Variants in MCCC2 observed in about 807,000 individuals in gnomAD.
The protein encoded by MCCC2 is methylcrotonoyl-CoA carboxylase beta chain, mitochondrial.
In MCCC2, 52 loss-of-function variants were observed where a neutral mutation model predicts 77.2. The observed-to-expected ratio is 0.67, with a 90% CI of 0.54 to 0.85. MCCC2 has a LOEUF of 0.85. Ranked by LOEUF, MCCC2 falls within the 40% of genes least tolerant of loss-of-function variation. The pLI is 0.00. For synonymous variants in MCCC2, 253 were observed against 248.4 expected, an observed-to-expected ratio of 1.02 and a Z score of -0.18; for missense variants, 682 against 703.2, an observed-to-expected ratio of 0.97 and a Z score of 0.34.
intron 2 of MCCC2, among the ~76,000 whole-genome samples, chr5:71,594,962 G>A (rs1009572736): frequency 4.9e-5 from 6 of 123,122 alleles, no homozygotes; most frequent in Non-Finnish European, 1.1e-4. Flanking sequence ...GTAGTGGCGC[G>A]ATCTCAGTTC....
intron 2 of MCCC2, among the ~76,000 whole-genome samples, chr5:71,594,666 G>T (rs892453422): frequency 1.3e-5 from 2 of 151,946 alleles, no homozygotes; most frequent in African/African-American, 4.8e-5. Flanking sequence ...GGACTGAGCC[G>T]GACTCCCTGG....
intron 6 of MCCC2, among the ~76,000 whole-genome samples, chr5:71,624,015 A>G: frequency 6.6e-6 from 1 of 152,228 alleles, no homozygotes; most frequent in East Asian, 1.9e-4. Flanking sequence ...CTTAAAAAAC[A>G]GACATTTATT....
chr5:71,649,930 T>C (rs931890463), intron 14 of MCCC2, 139 bp from the exon 15 acceptor site: 48 of 716,514 alleles, frequency 6.7e-5, no homozygotes, highest in Middle Eastern at 3.7e-4. Flanking sequence ...CAGGCATTTG[T>C]ATATTTGTGA....
chr5:71,618,318 C>T (rs965465151), intron 6 of MCCC2, among the ~76,000 whole-genome samples: 2 of 152,178 alleles, frequency 1.3e-5, no homozygotes, highest in African/African-American at 4.8e-5. Context: ...GTTTGGCCTT[C>T]GTTTGCTCTC....
intron 2 of MCCC2, among the ~76,000 whole-genome samples, chr5:71,595,023 C>G (rs879342460): frequency 6.6e-6 from 1 of 151,896 alleles, no homozygotes; most frequent in Non-Finnish European, 1.5e-5. Flanking sequence ...CTCAGCCTCC[C>G]GAATAGCTGG....
At chr5:71,610,534 C>T (rs1319007052) in intron 6 of MCCC2, among the ~76,000 whole-genome samples, 3 of 152,190 alleles carry the variant, frequency 2.0e-5, no homozygotes, top group Admixed American at 2.0e-4. Flanking sequence ...TCTTCTGCGT[C>T]GCTCACGCTG....
Position 71,643,905 on chromosome 5 carries a change from G to A in MCCC2, c.1149+10G>A. ...TGAATCTGCAAAAAAGGCAAGTACT[G>A]TTAAAAATATTTCAAGATTTTCTGT... On this transcript the variant is annotated intron_variant, in intron 12 of 16. Coordinates refer to ENST00000340941, the MANE Select transcript of MCCC2 (RefSeq NM_022132.5). The A allele has an allele frequency of 6.2e-7, 1 of 1,613,834 alleles. No individual in the cohort carries two copies. Among genetic ancestry groups the A allele is most frequent in the Non-Finnish European group, 8.5e-7 (1 of 1,179,854 alleles).
intron 13 of MCCC2, among the ~76,000 whole-genome samples, chr5:71,648,060 G>T (rs1157635869): frequency 6.6e-6 from 1 of 152,152 alleles, no homozygotes; most frequent in Non-Finnish European, 1.5e-5. Context: ...TTTTCTGAGG[G>T]TCCAGCTGAG....
At chr5:71,646,365 A>G in intron 13 of MCCC2, 88 bp downstream of exon 13, 1 of 1,190,296 alleles carries the variant, frequency 8.4e-7, no homozygotes, top group Non-Finnish European at 1.2e-6. Flanking sequence ...ACACATGTAG[A>G]CCACTTCATC....
At chr5:71,644,554 T>C (rs1165572713) in intron 12 of MCCC2, among the ~76,000 whole-genome samples, 1 of 152,152 alleles carries the variant, frequency 6.6e-6, no homozygotes, top group Non-Finnish European at 1.5e-5. Flanking sequence ...TTTGATTTCA[T>C]ATATCATCTC....
At chr5:71,629,578 G>T (rs1746643882) in intron 7 of MCCC2, among the ~76,000 whole-genome samples, 1 of 152,114 alleles carries the variant, frequency 6.6e-6, no homozygotes. Flanking sequence ...TCATTAGAAA[G>T]AATATGTTAA....
At chr5:71,630,686 ACTCT>A in intron 7 of MCCC2, among the ~76,000 whole-genome samples, 1 of 152,020 alleles carries the variant, frequency 6.6e-6, no homozygotes. Context: ...ATTTTAACTA[ACTCT>A]CTCTGCAGAA....
At chr5:71,623,531 AAAGAGGGCCAGCAAGAGC>A (rs1354104522) in intron 6 of MCCC2, among the ~76,000 whole-genome samples, 4 of 152,200 alleles carry the variant, frequency 2.6e-5, no homozygotes, top group African/African-American at 4.8e-5. Flanking sequence ...ACAAGAAAAG[AAAGAGGGCCAGCAAGAGC>A]AAGAGGGCCA....
chr5:71,610,148 C>T (rs769567507), intron 6 of MCCC2, among the ~76,000 whole-genome samples: 5 of 152,324 alleles, frequency 3.3e-5, no homozygotes, highest in South Asian at 2.1e-4. Context: ...TGGGCAATGG[C>T]GAGCGCCCCT....
chr5:71,615,079 G>A (rs1746118958), intron 6 of MCCC2, among the ~76,000 whole-genome samples: 1 of 152,046 alleles, frequency 6.6e-6, no homozygotes, highest in African/African-American at 2.4e-5. Flanking sequence ...CAATTCTCCT[G>A]CCTCAGCCTC....
intron 6 of MCCC2, among the ~76,000 whole-genome samples, chr5:71,604,769 C>T (rs943887104): frequency 6.9e-6 from 1 of 144,524 alleles, no homozygotes; most frequent in Admixed American, 7.1e-5. Flanking sequence ...GTGTGATATT[C>T]CCCTTCCTGT....
chr5:71,619,233 G>C (rs1466704219), intron 6 of MCCC2, among the ~76,000 whole-genome samples: 1 of 151,892 alleles, frequency 6.6e-6, no homozygotes, highest in Non-Finnish European at 1.5e-5. Context: ...GCTTAGTTAG[G>C]ATAGGTACTG....
chr5:71,612,289 TTTTA>T (rs1745983974), intron 6 of MCCC2, among the ~76,000 whole-genome samples: 1 of 152,212 alleles, frequency 6.6e-6, no homozygotes, highest in African/African-American at 2.4e-5. Flanking sequence ...TTTGTCATAT[TTTTA>T]TTAATATTCT....
chr5:71,643,723 T>C lies in MCCC2; in HGVS notation c.1073-96T>C, dbSNP rs776761125. ...AATCTCTTTGCATTTTAAACTTGGA[T>C]CTGATATTAAAGAATGTGTAAATAT... is the stretch of plus-strand genomic sequence containing the variant. On this transcript the variant is annotated intron_variant, in intron 11 of 16. Transcript: ENST00000340941. The C allele has an allele frequency of 4.3e-6, 7 of 1,610,222 alleles. No homozygotes were observed. The Admixed American group carries it at 1.2e-4, about 27-fold the overall frequency.
Sources: allele counts gnomAD v4.1 joint callset (sites outside exome capture counted in the v4.1 genomes callset), GRCh38; gene constraint gnomAD v4.1.1; transcripts MANE v1.5; gene names NCBI Gene and HGNC (gene_info 2026-07-23, HGNC 2026-07-21).